Variants in UNC13C observed in about 807,000 individuals in gnomAD.
The protein encoded by UNC13C is protein unc-13 homolog C.
UNC13C carries 174 observed loss-of-function variants against 245.4 expected under a neutral mutation model. That is an observed-to-expected ratio of 0.71 (90% CI 0.63 to 0.80). UNC13C has a LOEUF of 0.80. Among genes scored for constraint, UNC13C ranks in the 30% least tolerant of loss-of-function variants. The pLI, the probability that UNC13C is intolerant of heterozygous loss-of-function variation, is 0.00. For synonymous variants in UNC13C, 992 were observed against 895.1 expected (o/e 1.11, Z -1.93); for missense variants, 2,829 against 2,602.9 (o/e 1.09, Z -1.89).
intron 20 of UNC13C, among the ~76,000 whole-genome samples, chr15:54,498,267 C>CA (rs1209333026): frequency 1.3e-5 from 2 of 151,728 alleles, no homozygotes; most frequent in African/African-American, 4.8e-5. Context: ...GTACATTTAC[C>CA]AAAATAGACT....
At chr15:53,877,324 C>A in the UNC13C span, among the ~76,000 whole-genome samples, 1 of 152,118 alleles carries the variant, frequency 6.6e-6, no homozygotes, top group Non-Finnish European at 1.5e-5. Context: ...CCCCATCCAG[C>A]CCTTCAATGC....
downstream of UNC13C, chr15:54,630,971 C>T (rs1427278357): frequency 2.0e-5 from 3 of 151,942 alleles, no homozygotes; most frequent in East Asian, 5.8e-4. Flanking sequence ...TAATGAATGA[C>T]TTCCAGGCAT....
the UNC13C span, among the ~76,000 whole-genome samples, chr15:53,896,353 G>A: frequency 3.3e-4 from 50 of 152,092 alleles, no homozygotes; most frequent in African/African-American, 1.2e-3. Flanking sequence ...TGTAGTGTTA[G>A]CACTTCCTCT....
At chr15:54,144,209 C>T (rs1383636990) in intron 4 of UNC13C, among the ~76,000 whole-genome samples, 1 of 152,106 alleles carries the variant, frequency 6.6e-6, no homozygotes, top group Non-Finnish European at 1.5e-5. Context: ...ATTCAAGCAG[C>T]CTCGTCTTTA....
rs186729045 is a variant in UNC13C at position 54,039,364 on chromosome 15, C to A, written c.2983+23478C>A. On this transcript the variant is annotated intron_variant, in intron 2 of 32. Transcript: ENST00000260323. ...TTGTCAAAATATTCTAGATTCTTTT[C>A]ATATTGTTCCTGACTGGCAGGGCGA... Among the ~76,000 whole-genome samples, 342 of 152,262 alleles carry A rather than the reference C, an allele frequency of 2.2e-3. 2 individuals are homozygous for A. Among genetic ancestry groups the A allele is most frequent in the African/African-American group, 8.0e-3 (334 of 41,546 alleles).
At chr15:54,085,897 C>G (rs988709502) in intron 2 of UNC13C, among the ~76,000 whole-genome samples, 1 of 152,074 alleles carries the variant, frequency 6.6e-6, no homozygotes, top group Non-Finnish European at 1.5e-5. Context: ...AATTATGAAA[C>G]GATTGTTGGA....
At chr15:53,918,956 ATG>A in the UNC13C span, among the ~76,000 whole-genome samples, 1 of 152,230 alleles carries the variant, frequency 6.6e-6, no homozygotes, top group East Asian at 1.9e-4. Flanking sequence ...GCAGAAGTGA[ATG>A]TGGGATTTCT....
At chr15:53,936,129 G>T in the UNC13C span, among the ~76,000 whole-genome samples, 1 of 152,200 alleles carries the variant, frequency 6.6e-6, no homozygotes, top group Non-Finnish European at 1.5e-5. Flanking sequence ...GCCTGAGACT[G>T]CCTGAGACAG....
At chr15:54,190,067 A>G (rs374462398) in intron 4 of UNC13C, among the ~76,000 whole-genome samples, 8 of 152,250 alleles carry the variant, frequency 5.3e-5, no homozygotes, top group Admixed American at 1.3e-4. Flanking sequence ...CTCTTAGTAC[A>G]GGTTTCTAAG....
Position 54,546,759 on chromosome 15 carries a change from C to G in UNC13C, c.5734C>G (p.Leu1912Val). 6.5e-7 allele frequency: 1 copy of G among 1,544,582 alleles called. No homozygotes were observed. The highest frequency in any genetic ancestry group is 1.2e-5 in the South Asian group (1 of 82,536). ...AGCAAAAATCTGTGAGAAAACAGTC[C>G]TAAAGCGAGTTTTAAAAGAGTTATG... is the stretch of plus-strand genomic sequence containing the variant. ...LSAKICEKTV[L>V]KRVLKELWKL... Residue 1912 changes from leucine (L) to valine (V), a missense_variant, in exon 27 of 33, where the codon CTA becomes GTA. Leu to Val is a conservative substitution (Grantham distance 32, BLOSUM62 1). Coordinates refer to ENST00000260323, the MANE Select transcript of UNC13C (RefSeq NM_001080534.3).
At chr15:54,462,076 C>T (rs1296462068) in intron 19 of UNC13C, among the ~76,000 whole-genome samples, 1 of 151,980 alleles carries the variant, frequency 6.6e-6, no homozygotes, top group Non-Finnish European at 1.5e-5. Flanking sequence ...GATACAAGCA[C>T]AAAATAGATA....
rs141383980 is a variant in UNC13C, at chr15:54,356,515, A to T, written c.4713+18026A>T. Among the ~76,000 whole-genome samples the T allele has an allele frequency of 1.8e-3, 280 of 152,310 alleles. 3 individuals are homozygous for T. The highest frequency in any genetic ancestry group is 6.7e-3 in the Admixed American group (102 of 15,290). ...CAAAGCTGGGAAGTTCAAGATCAAG[A>T]TGCCCATAGATATAGCGTCTGGTGG... On this transcript the variant is annotated intron_variant, in intron 17 of 32. Transcript: ENST00000260323.
chr15:54,237,317 G>A (rs891152922), intron 6 of UNC13C, among the ~76,000 whole-genome samples: 3 of 152,130 alleles, frequency 2.0e-5, no homozygotes, highest in African/African-American at 7.2e-5. Context: ...GAAGCCTCTT[G>A]CTAGCCTGAG....
At chr15:54,284,882 T>A (rs1185256042) in intron 10 of UNC13C, among the ~76,000 whole-genome samples, 1 of 152,172 alleles carries the variant, frequency 6.6e-6, no homozygotes, top group Non-Finnish European at 1.5e-5. Context: ...TCAAAACAGC[T>A]GTTAAAACAA....
intron 17 of UNC13C, among the ~76,000 whole-genome samples, chr15:54,339,034 T>C (rs2038662757): frequency 6.6e-6 from 1 of 151,998 alleles, no homozygotes; most frequent in Non-Finnish European, 1.5e-5. Context: ...TCCCAGCTAA[T>C]TTTTTTTATA....
At chr15:54,120,477 G>C (rs1289163197) in intron 2 of UNC13C, among the ~76,000 whole-genome samples, 4 of 152,092 alleles carry the variant, frequency 2.6e-5, no homozygotes, top group Admixed American at 2.6e-4. Context: ...GGTCACTCAA[G>C]AGCTCTGAAG....
chr15:53,903,396 C>T, the UNC13C span, among the ~76,000 whole-genome samples: 4 of 152,208 alleles, frequency 2.6e-5, no homozygotes, highest in African/African-American at 9.6e-5. Context: ...GGTTTAATCT[C>T]TCAAGAGAAA....
intron 10 of UNC13C, among the ~76,000 whole-genome samples, chr15:54,293,674 A>G (rs890706255): frequency 1.2e-4 from 19 of 152,020 alleles, no homozygotes; most frequent in African/African-American, 4.3e-4. Context: ...AGGAAATAGG[A>G]TGGAATGGGA....
At chr15:54,284,984 A>G (rs1284548531) in intron 10 of UNC13C, among the ~76,000 whole-genome samples, 1 of 152,158 alleles carries the variant, frequency 6.6e-6, no homozygotes, top group Non-Finnish European at 1.5e-5. Flanking sequence ...TGTGGGTTCT[A>G]GAAGGTGGTT....
Sources: allele counts gnomAD v4.1 joint callset (sites outside exome capture counted in the v4.1 genomes callset), GRCh38; gene constraint gnomAD v4.1.1; transcripts MANE v1.5; gene names NCBI Gene and HGNC (gene_info 2026-07-23, HGNC 2026-07-21).